Variants in IQCK observed in about 807,000 individuals in gnomAD.
IQCK encodes the protein IQ motif containing K.
Under a neutral mutation model 28.1 loss-of-function variants are expected in IQCK, and 29 were observed. That is an observed-to-expected ratio of 1.03 (90% CI 0.77 to 1.41). The LOEUF (loss-of-function observed/expected upper bound fraction) is 1.41, where lower values mean the gene tolerates loss of function less well. Among genes scored for constraint, IQCK ranks in the 40% most tolerant of loss-of-function variants. The pLI is 0.00. For missense variants in IQCK, 359 were observed against 314.7 expected (o/e 1.14, Z -1.07); for synonymous variants, 113 against 115.1 (o/e 0.98, Z 0.12).
At position 19,822,072 on chromosome 16, in the gene IQCK, A is replaced by AC. The variant is rs1411198800; in HGVS notation, c.691-4954_691-4953insC. On this transcript the variant is annotated intron_variant, in intron 7 of 7. Transcript: ENST00000564186. Reference sequence around the variant, plus strand: ...GACAGAATGAGACCCTGTCTCAAAAAAAAAAAAAAAACAAAAAAAAAAACA... The same window carrying AC: ...GACAGAATGAGACCCTGTCTCAAAAACAAAAAAAAAAACAAAAAAAAAAACA... Among the ~76,000 whole-genome samples, 33 of 146,900 alleles carry AC rather than the reference A, an allele frequency of 2.2e-4. No homozygotes were observed. In the East Asian group the frequency reaches 4.8e-3, roughly 21 times the overall value.
chr16:19,776,014 T>G (rs2055389259), intron 6 of IQCK, among the ~76,000 whole-genome samples: 1 of 151,558 alleles, frequency 6.6e-6, no homozygotes, highest in Non-Finnish European at 1.5e-5. Flanking sequence ...CCCAAGTAGC[T>G]GGGCTATAGG....
chr16:19,763,216 A>G (rs1411775219), intron 4 of IQCK, among the ~76,000 whole-genome samples: 1 of 152,204 alleles, frequency 6.6e-6, no homozygotes, highest in African/African-American at 2.4e-5. Context: ...ATTATATACT[A>G]TAGTCTTATA....
At chr16:19,850,888 G>C (rs367780107) in intron 9 of IQCK, among the ~76,000 whole-genome samples, 1 of 152,050 alleles carries the variant, frequency 6.6e-6, no homozygotes, top group South Asian at 2.1e-4. Context: ...ATGGTGGTGC[G>C]TGTGTGTGGT....
rs754265717 is a variant in IQCK at position 19,736,322 on chromosome 16, G to A, written c.474+872G>A. 3.4e-4 allele frequency: 127 copies of A among 371,934 alleles called. 2 individuals are homozygous for A. Among genetic ancestry groups the A allele is most frequent in the Non-Finnish European group, 5.8e-5 (11 of 189,326 alleles). 23.0% of individuals were successfully genotyped at this position (371,934 alleles called of 1,614,324 possible). A position where few individuals can be genotyped will look rare whatever the true frequency, so the allele number is the denominator to read the frequency against. On this transcript the variant is annotated intron_variant, in intron 4 of 7. Transcript: ENST00000564186. ...TCTGTTTTCAGGCTGGGGTGCAGTG[G>A]CGTAATCATGGCACACTGCAGCCTC...
chr16:19,764,909 C>T (rs1276299348), intron 6 of IQCK, among the ~76,000 whole-genome samples: 3 of 137,404 alleles, frequency 2.2e-5, no homozygotes, highest in Non-Finnish European at 3.1e-5. Flanking sequence ...CCGTGTTGGC[C>T]GGGATGGTCT....
rs1256512917 is a variant in IQCK at position 19,726,146 on chromosome 16, C to A, written c.182-4284C>A. 7.2e-5 allele frequency among the ~76,000 whole-genome samples: 11 copies of A among 152,002 alleles called. No homozygotes were observed. The East Asian group carries it at 2.1e-3, about 29-fold the overall frequency. On this transcript the variant is annotated intron_variant, in intron 1 of 7. Transcript: ENST00000564186. ...AGCCACGATGGTCTCGATCTCCTGA[C>A]CTCGTGATCCGCCCGCCTCGGCCTC...
At chr16:19,775,410 G>A (rs994581001) in intron 6 of IQCK, among the ~76,000 whole-genome samples, 4 of 152,004 alleles carry the variant, frequency 2.6e-5, no homozygotes, top group Middle Eastern at 3.4e-3. Context: ...GTCTGTCTTC[G>A]TATTTATATA....
At chr16:19,743,565 C>T (rs2054866673) in intron 4 of IQCK, among the ~76,000 whole-genome samples, 1 of 152,206 alleles carries the variant, frequency 6.6e-6, no homozygotes, top group Non-Finnish European at 1.5e-5. Context: ...TCATTTAATC[C>T]TCCCAACAAT....
intron 7 of IQCK, among the ~76,000 whole-genome samples, chr16:19,815,291 G>A (rs570250060): frequency 5.3e-5 from 8 of 152,150 alleles, no homozygotes; most frequent in East Asian, 3.9e-4. Context: ...CTGTCCCACC[G>A]CAGTAGAATA....
intron 7 of IQCK, among the ~76,000 whole-genome samples, chr16:19,803,527 G>A (rs971694891): frequency 1.3e-5 from 2 of 152,108 alleles, no homozygotes; most frequent in African/African-American, 4.8e-5. Flanking sequence ...AATTGACTTT[G>A]CTACCTACCA....
Position 19,719,731 on chromosome 16 carries a change from G to T in IQCK, c.181+1244G>T, listed in dbSNP as rs188732108. Among the ~76,000 whole-genome samples, 4 of 139,918 alleles carry T rather than the reference G, an allele frequency of 2.9e-5. No individual in the cohort carries two copies. The East Asian group carries it at 8.5e-4, about 30-fold the overall frequency. 91.8% of individuals were successfully genotyped at this position (139,918 alleles called of 152,430 possible). ...GCTCTGTCGCCCAGGCTGGAATGCA[G>T]TGGCACTGGCTGGGCTCACTGCAAC... On this transcript the variant is annotated intron_variant, in intron 1 of 7. Transcript: ENST00000564186.
chr16:19,727,590 C>A (rs894146736), intron 1 of IQCK, among the ~76,000 whole-genome samples: 2 of 150,134 alleles, frequency 1.3e-5, no homozygotes, highest in African/African-American at 2.5e-5. Context: ...TTGTCACCCC[C>A]CCCCCCCAAA....
At chr16:19,812,155 T>C (rs1345122127) in intron 7 of IQCK, among the ~76,000 whole-genome samples, 1 of 152,004 alleles carries the variant, frequency 6.6e-6, no homozygotes, top group Non-Finnish European at 1.5e-5. Flanking sequence ...ACCCACTGAT[T>C]TTTGTAGTTT....
chr16:19,810,131 A>G (rs1024554789), intron 7 of IQCK, among the ~76,000 whole-genome samples: 2 of 152,128 alleles, frequency 1.3e-5, no homozygotes, highest in South Asian at 4.1e-4. Context: ...TGTAGGTTCA[A>G]GTGCTGGCTA....
intron 1 of IQCK, among the ~76,000 whole-genome samples, chr16:19,729,861 G>A (rs939352460): frequency 6.6e-6 from 1 of 151,130 alleles, no homozygotes; most frequent in South Asian, 2.1e-4. Context: ...AGCCAGGATG[G>A]TCTCAATCTC....
intron 4 of IQCK, among the ~76,000 whole-genome samples, chr16:19,750,023 C>T (rs2054964916): frequency 6.6e-6 from 1 of 152,184 alleles, no homozygotes; most frequent in South Asian, 2.1e-4. Flanking sequence ...TGACCCCAGA[C>T]CTTGCTAGTA....
chr16:19,725,568 G>A (rs1437492322), intron 1 of IQCK, among the ~76,000 whole-genome samples: 1 of 152,180 alleles, frequency 6.6e-6, no homozygotes, highest in Admixed American at 6.5e-5. Context: ...AAGCACTGAA[G>A]CAACTCTTGG....
At chr16:19,782,439 G>A (rs2055500329) in intron 6 of IQCK, among the ~76,000 whole-genome samples, 1 of 151,728 alleles carries the variant, frequency 6.6e-6, no homozygotes, top group African/African-American at 2.4e-5. Flanking sequence ...GGGCAACATA[G>A]TGAGACCCTG....
At chr16:19,840,574 T>C (rs1202248153) in intron 9 of IQCK, among the ~76,000 whole-genome samples, 1 of 152,230 alleles carries the variant, frequency 6.6e-6, no homozygotes, top group Non-Finnish European at 1.5e-5. Context: ...ACATTCATTG[T>C]GCACTTACTA....
Sources: allele counts gnomAD v4.1 joint callset (sites outside exome capture counted in the v4.1 genomes callset), GRCh38; gene constraint gnomAD v4.1.1; transcripts MANE v1.5; gene names NCBI Gene and HGNC (gene_info 2026-07-23, HGNC 2026-07-21).